SV2C: variants seen among roughly 807,000 people sequenced by gnomAD.
SV2C encodes synaptic vesicle glycoprotein 2C, also known as solute carrier family 22 member B3.
Under a neutral mutation model 79.7 loss-of-function variants are expected in SV2C, and 49 were observed. The observed-to-expected ratio is 0.61, with a 90% CI of 0.49 to 0.78. The LOEUF (loss-of-function observed/expected upper bound fraction) is 0.78, where lower values mean the gene tolerates loss of function less well. Among genes scored for constraint, SV2C ranks in the 30% least tolerant of loss-of-function variants. SV2C has a pLI of 0.00. For missense variants in SV2C, 833 were observed against 912.9 expected, an observed-to-expected ratio of 0.91 and a Z score of 1.13; for synonymous variants, 334 against 333.2, an observed-to-expected ratio of 1.00 and a Z score of -0.03.
rs541195300 is a variant in SV2C, at chr5:76,280,470, C to T, written c.914-4692C>T. Among the ~76,000 whole-genome samples the T allele has an allele frequency of 6.6e-5, 10 of 152,250 alleles. No individual in the cohort carries two copies. The South Asian group carries it at 1.7e-3, about 25-fold the overall frequency. On this transcript the variant is annotated intron_variant, in intron 4 of 12. Transcript: ENST00000502798. Reference sequence around the variant, plus strand: ...TCCAATTCCTTGGGAGGCTGAAAACCGCCCGACTGGAATCATGCTGCAATC... The same window carrying T: ...TCCAATTCCTTGGGAGGCTGAAAACTGCCCGACTGGAATCATGCTGCAATC...
intron 2 of SV2C, among the ~76,000 whole-genome samples, chr5:76,145,534 C>G (rs1414574750): frequency 6.6e-6 from 1 of 152,106 alleles, no homozygotes; most frequent in Non-Finnish European, 1.5e-5. Flanking sequence ...TTTGCTGAAC[C>G]AAAGTGAGAA....
chr5:76,006,474 T>C, the SV2C span, among the ~76,000 whole-genome samples: 9 of 152,210 alleles, frequency 5.9e-5, no homozygotes, highest in Non-Finnish European at 1.2e-4. Flanking sequence ...TTGTTTCCCA[T>C]GCAGGAATAT....
chr5:76,176,335 G>C (rs1235227121), intron 2 of SV2C, among the ~76,000 whole-genome samples: 2 of 152,194 alleles, frequency 1.3e-5, no homozygotes, highest in Admixed American at 6.5e-5. Context: ...GTTTCATCCT[G>C]TCTCAGAGCT....
chr5:76,164,939 A>C (rs1438628438), intron 2 of SV2C, among the ~76,000 whole-genome samples: 1 of 152,186 alleles, frequency 6.6e-6, no homozygotes, highest in Non-Finnish European at 1.5e-5. Flanking sequence ...ATAATATCTA[A>C]TAAAATGTAT....
the SV2C span, among the ~76,000 whole-genome samples, chr5:76,055,314 T>A: frequency 1.3e-5 from 2 of 152,156 alleles, no homozygotes; most frequent in African/African-American, 4.8e-5. Flanking sequence ...GTTGTAGATG[T>A]GTGGTATGAT....
chr5:76,239,016 C>T (rs1325245584), intron 4 of SV2C, among the ~76,000 whole-genome samples: 1 of 152,202 alleles, frequency 6.6e-6, no homozygotes, highest in Non-Finnish European at 1.5e-5. Flanking sequence ...CTGTGTCTCA[C>T]TCCTATCCTC....
chr5:75,910,489 G>C, the SV2C span: 10 of 609,604 alleles, frequency 1.6e-5, no homozygotes, highest in Non-Finnish European at 1.5e-5. Flanking sequence ...TGTATAGCTT[G>C]TGGTCTTCTG....
In SV2C at chr5:76,285,051, G is replaced by A. The variant is rs573751136; in HGVS notation, c.914-111G>A. Reference sequence around the variant, plus strand: ...GATGCCCAGATCAGCTCACTGCTCTGTGGATAGTAAGACTTGACTAATAAG... The same window carrying A: ...GATGCCCAGATCAGCTCACTGCTCTATGGATAGTAAGACTTGACTAATAAG... On this transcript the variant is annotated intron_variant, in intron 4 of 12. Transcript: ENST00000502798. 70 of 1,481,164 alleles carry A rather than the reference G, an allele frequency of 4.7e-5. 1 individual carries two copies. The South Asian group carries it at 8.7e-4, about 18-fold the overall frequency. 91.8% of individuals were successfully genotyped at this position (1,481,164 alleles called of 1,614,324 possible). A position where few individuals can be genotyped will look rare whatever the true frequency, so the allele number is the denominator to read the frequency against.
At chr5:76,142,821 C>T (rs1380988941) in intron 2 of SV2C, among the ~76,000 whole-genome samples, 1 of 151,940 alleles carries the variant, frequency 6.6e-6, no homozygotes, top group Non-Finnish European at 1.5e-5. Context: ...CCAGACAACA[C>T]AGGCCCAGGG....
At chr5:76,324,821 A>G (rs1484804106) in intron 12 of SV2C, among the ~76,000 whole-genome samples, 1 of 152,082 alleles carries the variant, frequency 6.6e-6, no homozygotes, top group Non-Finnish European at 1.5e-5. Context: ...GTACCAGTGT[A>G]CTCACCTGGG....
At chr5:76,049,875 G>A in the SV2C span, among the ~76,000 whole-genome samples, 6 of 152,044 alleles carry the variant, frequency 3.9e-5, no homozygotes, top group East Asian at 9.6e-4. Context: ...TGATATTATT[G>A]TTTCTACTAA....
the SV2C span, among the ~76,000 whole-genome samples, chr5:75,881,281 C>T: frequency 6.6e-6 from 1 of 152,076 alleles, no homozygotes; most frequent in Admixed American, 6.6e-5. Context: ...ATAATTTTGT[C>T]AGTAAAATGA....
chr5:76,130,858 G>C (rs971055772), intron 1 of SV2C, among the ~76,000 whole-genome samples: 1 of 152,100 alleles, frequency 6.6e-6, no homozygotes, highest in African/African-American at 2.4e-5. Flanking sequence ...ATCCAGAGAT[G>C]AAGAAAATAG....
chr5:76,351,878 T>C (rs183623695), intron 12 of SV2C, among the ~76,000 whole-genome samples: 1 of 152,276 alleles, frequency 6.6e-6, no homozygotes, highest in African/African-American at 2.4e-5. Flanking sequence ...AGCATCATCA[T>C]CAAGGGATTG....
chr5:76,099,303 G>A (rs1747662595), intron 1 of SV2C, among the ~76,000 whole-genome samples: 1 of 151,808 alleles, frequency 6.6e-6, no homozygotes, highest in Non-Finnish European at 1.5e-5. Context: ...GAGACTCCTA[G>A]TGATGTTTTT....
the SV2C span, among the ~76,000 whole-genome samples, chr5:75,890,585 A>T: frequency 6.6e-6 from 1 of 152,154 alleles, no homozygotes. Flanking sequence ...AGATGCCACC[A>T]GGTCTATCTC....
chr5:76,134,639 T>C lies in SV2C; in HGVS notation c.580+2309T>C, dbSNP rs146353529. 5.6e-3 allele frequency among the ~76,000 whole-genome samples: 859 copies of C among 152,346 alleles called. 7 individuals carry two copies. The highest frequency in any genetic ancestry group is 0.02 in the African/African-American group (827 of 41,574). ...TTAATTATTTGGGAGATTGAGCCTCTCTTTGTGTTTGCTAAAAGATTGACT... is the reference window on the plus strand; with the variant it reads ...TTAATTATTTGGGAGATTGAGCCTCCCTTTGTGTTTGCTAAAAGATTGACT... On this transcript the variant is annotated intron_variant, in intron 2 of 12. Coordinates refer to ENST00000502798, the MANE Select transcript of SV2C (RefSeq NM_014979.4).
the SV2C span, among the ~76,000 whole-genome samples, chr5:75,983,712 T>C: frequency 6.6e-6 from 1 of 152,082 alleles, no homozygotes; most frequent in Non-Finnish European, 1.5e-5. Context: ...GTTGCATTCA[T>C]AGTCTCATTT....
chr5:76,192,206 T>G (rs533262471), intron 2 of SV2C, among the ~76,000 whole-genome samples: 1 of 152,322 alleles, frequency 6.6e-6, no homozygotes, highest in Non-Finnish European at 1.5e-5. Flanking sequence ...ACAGATTACT[T>G]GGGGGTCTTA....
Sources: allele counts gnomAD v4.1 joint callset (sites outside exome capture counted in the v4.1 genomes callset), GRCh38; gene constraint gnomAD v4.1.1; transcripts MANE v1.5; gene names NCBI Gene and HGNC (gene_info 2026-07-23, HGNC 2026-07-21).